The following BNC2 variants were observed in gnomAD, a reference collection of about 807,000 sequenced individuals.
The protein encoded by BNC2 is zinc finger protein basonuclin-2.
A neutral mutation model predicts 76.3 loss-of-function variants in BNC2; 20 were observed. The ratio of observed to expected loss-of-function variants is 0.26; its 90% CI spans 0.18 to 0.38. The LOEUF is 0.38. Ranked by LOEUF, BNC2 falls within the 10% of genes least tolerant of loss-of-function variation. The pLI is 1.00. For synonymous variants in BNC2, 582 were observed against 514.8 expected (o/e 1.13, Z -1.77); for missense variants, 1,382 against 1,399.8 (o/e 0.99, Z 0.20).
At chr9:16,701,324 G>A (rs951116518) in intron 3 of BNC2, among the ~76,000 whole-genome samples, 1 of 152,146 alleles carries the variant, frequency 6.6e-6, no homozygotes, top group Non-Finnish European at 1.5e-5. Context: ...GCAGCAAGGG[G>A]GAAAGCAAGG....
At chr9:16,650,688 A>G (rs1043147307) in intron 3 of BNC2, among the ~76,000 whole-genome samples, 2 of 152,192 alleles carry the variant, frequency 1.3e-5, no homozygotes, top group Non-Finnish European at 2.9e-5. Flanking sequence ...ATGTAGTATT[A>G]TGCAGTATAG....
intron 3 of BNC2, among the ~76,000 whole-genome samples, chr9:16,675,838 C>G (rs898387257): frequency 6.6e-6 from 1 of 152,080 alleles, no homozygotes; most frequent in African/African-American, 2.4e-5. Flanking sequence ...CACTTGAGGT[C>G]AGGAGTTTGA....
chr9:16,735,244 C>T (rs575517865), intron 2 of BNC2, among the ~76,000 whole-genome samples: 2 of 152,164 alleles, frequency 1.3e-5, no homozygotes, highest in Admixed American at 1.3e-4. Context: ...ATTTTACCTA[C>T]CTTGTTTTGG....
At chr9:16,483,434 A>G (rs551226111) in intron 5 of BNC2, among the ~76,000 whole-genome samples, 1 of 152,362 alleles carries the variant, frequency 6.6e-6, no homozygotes, top group East Asian at 1.9e-4. Context: ...TGGGCAATCC[A>G]GTCCTTAAGC....
chr9:16,792,346 T>TAA (rs1406032173), intron 1 of BNC2, among the ~76,000 whole-genome samples: 1 of 152,176 alleles, frequency 6.6e-6, no homozygotes, highest in Non-Finnish European at 1.5e-5. Context: ...TGTAACTCCG[T>TAA]AAGTGAAGTT....
chr9:16,644,284 G>A (rs1331324973), intron 3 of BNC2, among the ~76,000 whole-genome samples: 4 of 152,130 alleles, frequency 2.6e-5, no homozygotes. Flanking sequence ...TCAAGTTATT[G>A]CAAGATGAAC....
intron 3 of BNC2, among the ~76,000 whole-genome samples, chr9:16,641,644 A>AT: frequency 6.6e-6 from 1 of 152,230 alleles, no homozygotes; most frequent in Non-Finnish European, 1.5e-5. Context: ...CTGCTATCAC[A>AT]TAAGTGTCTG....
chr9:16,728,321 C>T, intron 2 of BNC2: 1 of 419,540 alleles, frequency 2.4e-6, no homozygotes, highest in South Asian at 2.1e-5. Flanking sequence ...CACTGTTCCA[C>T]TGTCAGGCAC....
At chr9:16,759,192 T>C (rs974576695) in intron 1 of BNC2, among the ~76,000 whole-genome samples, 5 of 152,214 alleles carry the variant, frequency 3.3e-5, no homozygotes, top group African/African-American at 1.2e-4. Flanking sequence ...AAAGATATGA[T>C]TTCATACAAA....
rs111939677 is a variant in BNC2, at chr9:16,760,303, A to G, written c.4-21818T>C. 3.9e-5 allele frequency among the ~76,000 whole-genome samples: 6 copies of G among 152,322 alleles called. 1 individual carries two copies. Among genetic ancestry groups the G allele is most frequent in the African/African-American group, 1.4e-4 (6 of 41,580 alleles). On this transcript the variant is annotated intron_variant, in intron 1 of 6. Transcript: ENST00000380672. Reference sequence around the variant, plus strand: ...GTACCCACACTATTGGGTGGAATATAAATAGCTAAGTCATTTAATAATTTG... The same window carrying G: ...GTACCCACACTATTGGGTGGAATATGAATAGCTAAGTCATTTAATAATTTG...
intron 1 of BNC2, among the ~76,000 whole-genome samples, chr9:16,792,640 C>A (rs1170040131): frequency 6.6e-6 from 1 of 152,168 alleles, no homozygotes; most frequent in Non-Finnish European, 1.5e-5. Flanking sequence ...TGAGTAGAAG[C>A]ATAAATACCA....
chr9:16,674,865 G>C (rs113323743), intron 3 of BNC2, among the ~76,000 whole-genome samples: 2 of 152,198 alleles, frequency 1.3e-5, no homozygotes, highest in African/African-American at 2.4e-5. Flanking sequence ...TTATGTTCTT[G>C]GGCAATTCCA....
At position 16,526,467 on chromosome 9, in the gene BNC2, CTTTTTTTTTT is replaced by C. The variant is rs144511624; in HGVS notation, c.669+26053_669+26062del. On this transcript the variant is annotated intron_variant, in intron 5 of 6. Transcript: ENST00000380672. The stretch of plus-strand genomic sequence containing the variant: ...GATTACTTCCCAACATAGTTTAATG[CTTTTTTTTTT>C]TTTTTTTTTTTTTTTTGCCTTGTGA... Among the ~76,000 whole-genome samples the C allele has an allele frequency of 1.3e-3, 64 of 48,820 alleles. 1 individual carries two copies. Among genetic ancestry groups the C allele is most frequent in the Non-Finnish European group, 2.1e-3 (58 of 27,198 alleles). The allele number at this position is 48,820 out of a possible 152,430, so 32.0% of individuals were successfully genotyped here. A position where few individuals can be genotyped will look rare whatever the true frequency, so the allele number is the denominator to read the frequency against.
chr9:16,783,688 T>A (rs1826209684), intron 1 of BNC2, among the ~76,000 whole-genome samples: 2 of 152,174 alleles, frequency 1.3e-5, no homozygotes, highest in Admixed American at 6.6e-5. Context: ...ATCTCAAAAA[T>A]TAATTCACAA....
Position 16,552,417 on chromosome 9 carries a change from A to G in BNC2, c.669+113T>C. ...CCCTGACAAGCCTGCTGAAACGACC[A>G]CTTTAACCAGAGGAGGGTGTGCAGC... is the stretch of plus-strand genomic sequence containing the variant. On this transcript the variant is annotated intron_variant, in intron 5 of 6. Transcript: ENST00000380672. 3 of 879,820 alleles carry G rather than the reference A, an allele frequency of 3.4e-6. No individual in the cohort carries two copies. In the South Asian group the frequency reaches 4.3e-5, roughly 13 times the overall value. 54.5% of individuals were successfully genotyped at this position (879,820 alleles called of 1,614,324 possible).
intron 5 of BNC2, among the ~76,000 whole-genome samples, chr9:16,529,386 AATG>A (rs1817909466): frequency 6.6e-6 from 1 of 152,214 alleles, no homozygotes; most frequent in Admixed American, 6.5e-5. Flanking sequence ...GATACATGAT[AATG>A]ATAACATATG....
rs538975786 is a variant in BNC2 at position 16,778,459 on chromosome 9, A to G, written c.4-39974T>C. ...AATCCTTCTTTTCAGCCAAAAAAAC[A>G]TGATGACCTAAGCCACTTCATTCAA... On this transcript the variant is annotated intron_variant, in intron 1 of 6. Coordinates refer to ENST00000380672, the MANE Select transcript of BNC2 (RefSeq NM_017637.6). 2.8e-4 allele frequency among the ~76,000 whole-genome samples: 43 copies of G among 152,348 alleles called. No individual in the cohort carries two copies. In the South Asian group the frequency reaches 8.7e-3, roughly 31 times the overall value.
rs552032995 is a variant in BNC2 at position 16,515,143 on chromosome 9, G to C, written c.669+37387C>G. Among the ~76,000 whole-genome samples the C allele has an allele frequency of 2.0e-5, 3 of 152,346 alleles. No individual in the cohort carries two copies. The East Asian group carries it at 5.8e-4, about 29-fold the overall frequency. The stretch of plus-strand genomic sequence containing the variant: ...ATATTGCAAGTGGAAGCAACATCCA[G>C]AGGGAATTCAACATCATTAGCTGCA... On this transcript the variant is annotated intron_variant, in intron 5 of 6. Transcript: ENST00000380672.
intron 6 of BNC2, among the ~76,000 whole-genome samples, chr9:16,421,096 C>T (rs564637149): frequency 6.6e-6 from 1 of 152,012 alleles, no homozygotes; most frequent in Non-Finnish European, 1.5e-5. Context: ...TGGTGACAAA[C>T]GTGGGTGATA....
Sources: allele counts gnomAD v4.1 joint callset (sites outside exome capture counted in the v4.1 genomes callset), GRCh38; gene constraint gnomAD v4.1.1; transcripts MANE v1.5; gene names NCBI Gene and HGNC (gene_info 2026-07-23, HGNC 2026-07-21).